Variants in PALS1 observed in about 807,000 individuals in gnomAD.
PALS1 encodes the protein protein associated with LIN7 1, MAGUK p55 family member.
In PALS1, 31 loss-of-function variants were observed where a neutral mutation model predicts 78.9. The ratio of observed to expected loss-of-function variants is 0.39; its 90% CI spans 0.30 to 0.53. The LOEUF (loss-of-function observed/expected upper bound fraction) is 0.53, where lower values mean the gene tolerates loss of function less well. PALS1 is among the 20% of genes least tolerant of loss of function. The pLI, the probability that PALS1 is intolerant of heterozygous loss-of-function variation, is 0.67. For missense variants in PALS1, 704 were observed against 826.5 expected (o/e 0.85, Z 1.82); for synonymous variants, 276 against 270.9 (o/e 1.02, Z -0.18).
intron 4 of PALS1, among the ~76,000 whole-genome samples, chr14:67,298,904 T>G (rs192287802): frequency 8.5e-5 from 13 of 152,344 alleles, no homozygotes; most frequent in Admixed American, 3.9e-4. Context: ...TTGTGGACAT[T>G]TCATATAAAT....
intron 14 of PALS1, among the ~76,000 whole-genome samples, chr14:67,327,946 T>A (rs1428506888): frequency 6.6e-6 from 1 of 152,230 alleles, no homozygotes; most frequent in Non-Finnish European, 1.5e-5. Context: ...TCAATGTACG[T>A]GTGCATGTGT....
intron 1 of PALS1, among the ~76,000 whole-genome samples, chr14:67,268,318 G>A (rs1254094742): frequency 6.6e-6 from 1 of 152,124 alleles, no homozygotes; most frequent in East Asian, 1.9e-4. Flanking sequence ...ACTCTCATAC[G>A]ATCGAATTCA....
chr14:67,323,261 G>GTGTGTGTGTATA (rs1429954753), intron 13 of PALS1, among the ~76,000 whole-genome samples: 6 of 124,140 alleles, frequency 4.8e-5, no homozygotes, highest in Non-Finnish European at 1.1e-4. Flanking sequence ...GTGTGTGTGT[G>GTGTGTGTGTATA]TATATATATA....
chr14:67,244,503 A>G (rs946148030), intron 1 of PALS1, among the ~76,000 whole-genome samples: 8 of 152,218 alleles, frequency 5.3e-5, no homozygotes, highest in African/African-American at 1.9e-4. Flanking sequence ...TCTAATTTAC[A>G]TGAAATGAAG....
At chr14:67,295,759 G>A (rs1369159419) in intron 4 of PALS1, among the ~76,000 whole-genome samples, 1 of 152,134 alleles carries the variant, frequency 6.6e-6, no homozygotes. Flanking sequence ...TACATCACTG[G>A]TGGAGTATAA....
At position 67,302,111 on chromosome 14, in the gene PALS1, T is replaced by C. The variant is rs142290619; in HGVS notation, c.794T>C (p.Ile265Thr). The change falls in exon 6 of 15, where the codon ATT (isoleucine) becomes ACT (threonine). Residue 265 changes from isoleucine to threonine, a missense_variant. Coordinates refer to ENST00000261681, the MANE Select transcript of PALS1 (RefSeq NM_022474.4). ...KIVRIEKARD[I>T]PLGATVRNEM... Reference sequence around the variant, plus strand: ...GTTCGTATAGAAAAGGCTCGTGATATTCCGTTGGTAAGTGTCCCACATACT... The same window carrying C: ...GTTCGTATAGAAAAGGCTCGTGATACTCCGTTGGTAAGTGTCCCACATACT... 7,567 of 1,601,904 alleles carry C rather than the reference T, an allele frequency of 4.7e-3. 95 individuals carry two copies. Among genetic ancestry groups the C allele is most frequent in the South Asian group, 5.1e-3 (455 of 88,986 alleles).
intron 14 of PALS1, among the ~76,000 whole-genome samples, chr14:67,326,222 T>A (rs941559474): frequency 2.1e-5 from 1 of 48,602 alleles, no homozygotes; most frequent in East Asian, 8.5e-4. Flanking sequence ...TTAGGTCTGA[T>A]TTTTTTTTTT....
intron 11 of PALS1, among the ~76,000 whole-genome samples, chr14:67,318,975 G>A (rs1223941127): frequency 6.6e-6 from 1 of 151,894 alleles, no homozygotes; most frequent in South Asian, 2.1e-4. Flanking sequence ...GGAGAATGGC[G>A]TGAACCCGGG....
At chr14:67,243,002 A>G (rs1047308038) in intron 1 of PALS1, among the ~76,000 whole-genome samples, 1 of 152,160 alleles carries the variant, frequency 6.6e-6, no homozygotes, top group African/African-American at 2.4e-5. Flanking sequence ...TCACAGGGGC[A>G]CGTGTTTTCA....
In PALS1 at chr14:67,328,958, C is replaced by T. The variant is rs900060771; in HGVS notation, c.1852-3822C>T. 2.0e-4 allele frequency among the ~76,000 whole-genome samples: 31 copies of T among 152,206 alleles called. No homozygotes were observed. The East Asian group carries it at 4.4e-3, about 22-fold the overall frequency. On this transcript the variant is annotated intron_variant, in intron 14 of 14. Transcript: ENST00000261681. Reference sequence around the variant, plus strand: ...TTGGCTTAGGGTTGTCTTGGCAATGCAGGCTCTTTTTTGGTTCCATATGAA... The same window carrying T: ...TTGGCTTAGGGTTGTCTTGGCAATGTAGGCTCTTTTTTGGTTCCATATGAA...
intron 1 of PALS1, among the ~76,000 whole-genome samples, 158 bp from the exon 2 acceptor site, chr14:67,269,543 G>C (rs1005136619): frequency 5.3e-5 from 8 of 151,970 alleles, no homozygotes; most frequent in Non-Finnish European, 1.0e-4. Context: ...TAGATACAGG[G>C]GTCATGGTGC....
chr14:67,275,430 T>A (rs1247214401), intron 2 of PALS1, among the ~76,000 whole-genome samples: 1 of 152,206 alleles, frequency 6.6e-6, no homozygotes, highest in Non-Finnish European at 1.5e-5. Flanking sequence ...GTTTATTGAT[T>A]TGCGTATGTT....
chr14:67,332,663 G>A, intron 14 of PALS1, 117 bp from the exon 15 acceptor site: 2 of 1,037,190 alleles, frequency 1.9e-6, no homozygotes, highest in Non-Finnish European at 2.7e-6. Flanking sequence ...CCTGAGGTTG[G>A]GAGAGACAGA....
intron 1 of PALS1, among the ~76,000 whole-genome samples, chr14:67,245,536 G>T (rs1220551639): frequency 1.3e-5 from 2 of 151,602 alleles, no homozygotes; most frequent in African/African-American, 4.9e-5. Flanking sequence ...TTTTCTTTAG[G>T]GATGGGGTCT....
At chr14:67,330,050 A>G (rs927295356) in intron 14 of PALS1, among the ~76,000 whole-genome samples, 7 of 150,478 alleles carry the variant, frequency 4.7e-5, no homozygotes, top group Non-Finnish European at 1.0e-4. Context: ...AAAATCATCT[A>G]TATTGTGGTA....
intron 2 of PALS1, chr14:67,270,384 G>A (rs2084390209): frequency 6.6e-6 from 1 of 152,124 alleles, no homozygotes; most frequent in Non-Finnish European, 1.5e-5. Context: ...TGGGAGCAGG[G>A]ATTCTGATGA....
At chr14:67,301,932 C>A (rs751065337) in intron 5 of PALS1, 40 bp from the exon 6 acceptor site, 5 of 1,564,414 alleles carry the variant, frequency 3.2e-6, no homozygotes, top group South Asian at 1.2e-5. Context: ...AGAAATAAAT[C>A]ATGCTGTTAC....
rs535699670 is a variant in PALS1 at position 67,275,473 on chromosome 14, T to A, written c.-153-3545T>A. On this transcript the variant is annotated intron_variant, in intron 2 of 14. Transcript: ENST00000261681. Reference sequence around the variant, plus strand: ...CCTTGCATCCCAGGGATGAAGCCCATTTGATTGTGGTGCATAAGCTTTTCG... The same window carrying A: ...CCTTGCATCCCAGGGATGAAGCCCAATTGATTGTGGTGCATAAGCTTTTCG... Among the ~76,000 whole-genome samples, 3 of 152,262 alleles carry A rather than the reference T, an allele frequency of 2.0e-5. No individual in the cohort carries two copies. In the East Asian group the frequency reaches 5.8e-4, roughly 29 times the overall value.
chr14:67,301,835 A>T (rs1271258987), intron 5 of PALS1, 137 bp from the exon 6 acceptor site: 2 of 1,012,680 alleles, frequency 2.0e-6, no homozygotes, highest in Non-Finnish European at 2.7e-6. Context: ...TACTTAACAC[A>T]TCTTTATTAT....
Sources: gnomAD v4.1 joint callset for allele counts (sites outside exome capture counted in the v4.1 genomes callset) on GRCh38, gnomAD v4.1.1 for gene constraint, MANE v1.5 for transcripts, NCBI Gene and HGNC (gene_info 2026-07-23, HGNC 2026-07-21) for gene names.